Variants in GASK1A observed in about 807,000 individuals in gnomAD.
GASK1A encodes golgi associated kinase 1A.
In GASK1A, 40 loss-of-function variants were observed where a neutral mutation model predicts 41.2. The observed-to-expected ratio is 0.97, with a 90% confidence interval of 0.75 to 1.27. The LOEUF (loss-of-function observed/expected upper bound fraction) is 1.27, where lower values mean the gene tolerates loss of function less well. Ranked by LOEUF, GASK1A falls within the 50% of genes most tolerant of loss-of-function variation. GASK1A has a pLI of 0.00. For synonymous variants in GASK1A, 316 were observed against 307.1 expected, an observed-to-expected ratio of 1.03 and a Z score of -0.30; for missense variants, 678 against 745.1, an observed-to-expected ratio of 0.91 and a Z score of 1.05.
At chr3:42,997,073 GAATCATGT>G (rs1285764825) in intron 1 of GASK1A, among the ~76,000 whole-genome samples, 1 of 152,234 alleles carries the variant, frequency 6.6e-6, no homozygotes, top group Non-Finnish European at 1.5e-5. Flanking sequence ...ACCTGGGCTG[GAATCATGT>G]CCAGGCCGAG....
At chr3:42,988,445 C>T (rs1455664949) in intron 1 of GASK1A, among the ~76,000 whole-genome samples, 1 of 152,064 alleles carries the variant, frequency 6.6e-6, no homozygotes, top group Non-Finnish European at 1.5e-5. Context: ...TCCAGAAATG[C>T]CATCAGCCAA....
chr3:43,029,082 C>T (rs1317800456), intron 1 of GASK1A, among the ~76,000 whole-genome samples: 1 of 152,138 alleles, frequency 6.6e-6, no homozygotes, highest in Admixed American at 6.5e-5. Context: ...GTCTCCTCCC[C>T]TCCAGGTATG....
chr3:42,988,356 C>T (rs1559396002), intron 1 of GASK1A, among the ~76,000 whole-genome samples: 1 of 152,198 alleles, frequency 6.6e-6, no homozygotes, highest in Non-Finnish European at 1.5e-5. Context: ...TCTTCCAGAA[C>T]CAGCTGGAGG....
intron 1 of GASK1A, among the ~76,000 whole-genome samples, chr3:43,022,633 A>G (rs2089528071): frequency 6.6e-6 from 1 of 152,232 alleles, no homozygotes; most frequent in Admixed American, 6.5e-5. Flanking sequence ...GTTGTAAAAT[A>G]GGAATTATAT....
At chr3:43,024,296 A>G (rs1444297999) in intron 1 of GASK1A, among the ~76,000 whole-genome samples, 1 of 152,142 alleles carries the variant, frequency 6.6e-6, no homozygotes, top group East Asian at 1.9e-4. Context: ...AATTTCAGTT[A>G]GCTTAACTTT....
At chr3:43,033,726 T>C (rs1317548925) in intron 2 of GASK1A, among the ~76,000 whole-genome samples, 173 bp downstream of exon 2, 1 of 152,160 alleles carries the variant, frequency 6.6e-6, no homozygotes, top group Non-Finnish European at 1.5e-5. Context: ...TATCCAGTGG[T>C]TACTGGAGCC....
Position 43,053,537 on chromosome 3 carries a change from A to T in GASK1A, c.1307A>T (p.Asp436Val). ...DFLLQVHDRLDRYCCGFEPEP... is the reference protein window; with the variant it reads ...DFLLQVHDRLVRYCCGFEPEP... ...TCTCCACAGGTCCACGACCGCTTGG[A>T]TCGCTACTGCTGTGGCTTCGAGCCT... The change falls in exon 3 of 5, where the codon GAT (aspartate) becomes GTT (valine). Residue 436 changes from aspartate to valine, a missense_variant. Asp to Val is a radical substitution (Grantham distance 152, BLOSUM62 -3). Coordinates refer to ENST00000430121, the MANE Select transcript of GASK1A (RefSeq NM_001129908.3). 6.5e-7 allele frequency: 1 copy of T among 1,549,530 alleles called. No homozygotes were observed. The highest frequency in any genetic ancestry group is 8.7e-7 in the Non-Finnish European group (1 of 1,145,412).
At chr3:43,025,096 C>T (rs998122514) in intron 1 of GASK1A, among the ~76,000 whole-genome samples, 3 of 152,112 alleles carry the variant, frequency 2.0e-5, no homozygotes, top group East Asian at 1.9e-4. Flanking sequence ...AGAGCACTTC[C>T]GGCATTTAGG....
At chr3:42,997,576 A>T (rs2089383549) in intron 1 of GASK1A, among the ~76,000 whole-genome samples, 1 of 152,094 alleles carries the variant, frequency 6.6e-6, no homozygotes. Context: ...CTGGGTGCAG[A>T]TTCTTCCCTC....
rs553563572 is a variant in GASK1A, at chr3:42,980,181, C to T, written c.3+536C>T. ...TCCAATCCGCCTTCCTCTACCTCCC[C>T]GACAGGAGGACTGTTGGGCAGATGT... On this transcript the variant is annotated intron_variant, in intron 1 of 4. Transcript: ENST00000430121. Among the ~76,000 whole-genome samples, 9 of 152,268 alleles carry T rather than the reference C, an allele frequency of 5.9e-5. No homozygotes were observed. The East Asian group carries it at 1.7e-3, about 29-fold the overall frequency.
Position 43,057,579 on chromosome 3 carries a change from T to A in GASK1A, c.*1193T>A, listed in dbSNP as rs1559409532. ...TCCACTTATTTGCCAGACATTTGTATTTTCTTTTCTGCATTGTCTTTTTGT... is the reference window on the plus strand; with the variant it reads ...TCCACTTATTTGCCAGACATTTGTAATTTCTTTTCTGCATTGTCTTTTTGT... On this transcript the variant is annotated 3_prime_UTR_variant, in exon 5 of 5. Coordinates refer to ENST00000430121, the MANE Select transcript of GASK1A (RefSeq NM_001129908.3). 6.6e-6 allele frequency: 1 copy of A among 152,228 alleles called. No homozygotes were observed. The highest frequency in any genetic ancestry group is 1.5e-5 in the Non-Finnish European group (1 of 68,044). 9.4% of individuals were successfully genotyped at this position (152,228 alleles called of 1,614,324 possible). A position where few individuals can be genotyped will look rare whatever the true frequency, so the allele number is the denominator to read the frequency against.
At chr3:43,037,363 C>A in intron 2 of GASK1A, 1 of 943,594 alleles carries the variant, frequency 1.1e-6, no homozygotes, top group Admixed American at 1.7e-5. Context: ...ATGTGCAATA[C>A]AAATCCTCAT....
At chr3:43,036,007 G>A (rs902715937) in intron 2 of GASK1A, among the ~76,000 whole-genome samples, 3 of 152,176 alleles carry the variant, frequency 2.0e-5, no homozygotes, top group Non-Finnish European at 2.9e-5. Context: ...GGGGTGTCCT[G>A]GGGCCTTGAT....
chr3:43,036,549 T>A (rs1284958116), intron 2 of GASK1A, among the ~76,000 whole-genome samples: 1 of 152,194 alleles, frequency 6.6e-6, no homozygotes, highest in East Asian at 1.9e-4. Context: ...TACCTGTGCT[T>A]CACAAATCCC....
Position 43,024,364 on chromosome 3 carries a change from G to A in GASK1A, c.4-7903G>A, listed in dbSNP as rs186441450. Among the ~76,000 whole-genome samples, 135 of 152,252 alleles carry A rather than the reference G, an allele frequency of 8.9e-4. 1 individual carries two copies. Among genetic ancestry groups the A allele is most frequent in the African/African-American group, 3.0e-3 (126 of 41,548 alleles). ...AAAGGCTTCAGCTGCATTTGCTCTC[G>A]CAATTTGCCTGCCCATCTCAGCTCC... On this transcript the variant is annotated intron_variant, in intron 1 of 4. Coordinates refer to ENST00000430121, the MANE Select transcript of GASK1A (RefSeq NM_001129908.3).
chr3:42,981,984 A>G (rs959670098), intron 1 of GASK1A, among the ~76,000 whole-genome samples: 3 of 152,180 alleles, frequency 2.0e-5, no homozygotes, highest in African/African-American at 7.2e-5. Flanking sequence ...TTGATCCAAG[A>G]TACGTATGAT....
At chr3:43,013,777 C>T (rs1327915510) in intron 1 of GASK1A, among the ~76,000 whole-genome samples, 4 of 147,846 alleles carry the variant, frequency 2.7e-5, no homozygotes, top group African/African-American at 7.6e-5. Flanking sequence ...GATGGGGCTA[C>T]GTGAAGTCAC....
Position 43,032,916 on chromosome 3 carries a change from A to C in GASK1A, c.653A>C (p.Glu218Ala). 6.4e-7 allele frequency: 1 copy of C among 1,551,282 alleles called. No homozygotes were observed. Among genetic ancestry groups the C allele is most frequent in the Non-Finnish European group, 8.7e-7 (1 of 1,146,828 alleles). ...GCCTTGACTGGTGGGCAACAAGCAG[A>C]GGATCCCACCTTGGCCTCAGGAGCT... is the stretch of plus-strand genomic sequence containing the variant. The part of the protein sequence containing the change: ...NRALTGGQQA[E>A]DPTLASGAHQ... Residue 218 changes from glutamate (E) to alanine (A), a missense_variant, in exon 2 of 5, where the codon GAG becomes GCG. Glu to Ala is a moderately radical substitution (Grantham distance 107, BLOSUM62 -1). Transcript: ENST00000430121.
At chr3:43,055,411 C>A in intron 3 of GASK1A, 21 bp from the exon 4 acceptor site, 1 of 1,537,714 alleles carries the variant, frequency 6.5e-7, no homozygotes, top group Non-Finnish European at 8.8e-7. Flanking sequence ...ACCTCTGTCT[C>A]TGTCCACCCT....
Sources: allele counts gnomAD v4.1 joint callset (sites outside exome capture counted in the v4.1 genomes callset), GRCh38; gene constraint gnomAD v4.1.1; transcripts MANE v1.5; gene names NCBI Gene and HGNC (gene_info 2026-07-23, HGNC 2026-07-21).